Variants in ARFGEF3 observed in about 807,000 individuals in gnomAD.
The protein encoded by ARFGEF3 is ARFGEF family member 3.
A neutral mutation model predicts 221.7 loss-of-function variants in ARFGEF3; 96 were observed. The ratio of observed to expected loss-of-function variants is 0.43; its 90% confidence interval spans 0.37 to 0.51. The LOEUF (loss-of-function observed/expected upper bound fraction) is 0.51. ARFGEF3 is among the 20% of genes least tolerant of loss of function. ARFGEF3 has a pLI of 0.00. For missense variants in ARFGEF3, 2,410 were observed against 2,789.9 expected (o/e 0.86, Z 3.07); for synonymous variants, 1,145 against 1,126.8 (o/e 1.02, Z -0.32).
chr6:138,212,295 A>G (rs951295055), intron 4 of ARFGEF3, among the ~76,000 whole-genome samples: 1 of 152,260 alleles, frequency 6.6e-6, no homozygotes, highest in Non-Finnish European at 1.5e-5. Context: ...TGGGAGGCCA[A>G]GGCAGGGGGA....
chr6:138,262,567 C>T, intron 11 of ARFGEF3, 134 bp from the exon 12 acceptor site: 1 of 868,988 alleles, frequency 1.2e-6, no homozygotes. Flanking sequence ...TTGCCCAGAC[C>T]ATTTTGTTTT....
chr6:138,173,645 C>A (rs1776883315), intron 2 of ARFGEF3, among the ~76,000 whole-genome samples: 1 of 152,144 alleles, frequency 6.6e-6, no homozygotes, highest in African/African-American at 2.4e-5. Flanking sequence ...GCTAGAAGAG[C>A]TGGAGAGAAT....
chr6:138,209,703 C>T (rs1395953631), intron 3 of ARFGEF3, among the ~76,000 whole-genome samples: 8 of 152,182 alleles, frequency 5.3e-5, no homozygotes, highest in Admixed American at 5.2e-4. Flanking sequence ...CCACCTCAGC[C>T]TCCCAAAGTG....
At chr6:138,239,191 T>G (rs1308784227) in intron 6 of ARFGEF3, among the ~76,000 whole-genome samples, 1 of 152,200 alleles carries the variant, frequency 6.6e-6, no homozygotes, top group East Asian at 1.9e-4. Context: ...ATTGGCTCCT[T>G]GTATATATTA....
chr6:138,261,498 T>G (rs2114587789), intron 10 of ARFGEF3, 29 bp from the exon 11 acceptor site: 1 of 1,395,864 alleles, frequency 7.2e-7, no homozygotes, highest in East Asian at 2.5e-5. Context: ...TATTCACTTT[T>G]CTGTTACTCT....
At chr6:138,335,718 A>G (rs1780310522) in intron 33 of ARFGEF3, among the ~76,000 whole-genome samples, 1 of 152,232 alleles carries the variant, frequency 6.6e-6, no homozygotes, top group African/African-American at 2.4e-5. Flanking sequence ...TTTAAAAACA[A>G]GTAAGCTTTG....
In ARFGEF3 at chr6:138,336,391, AGTCAGCTGACCT is replaced by A; in HGVS notation, c.6444_6455del (p.Gln2148_Cys2151del). ...CCAGCCCGCAGTGTTCCCGTGCATC[AGTCAGCTGACCT>A]GTCACGTGACCGACATCAGAGTTCG... is the stretch of plus-strand genomic sequence containing the variant. On this transcript the variant is annotated inframe_deletion, in exon 34 of 34. Transcript: ENST00000251691. The A allele has an allele frequency of 6.2e-7, 1 of 1,613,444 alleles. No individual in the cohort carries two copies.
chr6:138,200,570 G>A (rs1162649621), intron 2 of ARFGEF3, among the ~76,000 whole-genome samples: 7 of 152,154 alleles, frequency 4.6e-5, no homozygotes, highest in Non-Finnish European at 1.5e-5. Flanking sequence ...AACATAAAGT[G>A]GGGAAAGGAC....
chr6:138,274,233 C>G (rs1392740491), intron 12 of ARFGEF3, among the ~76,000 whole-genome samples: 1 of 152,080 alleles, frequency 6.6e-6, no homozygotes, highest in Non-Finnish European at 1.5e-5. Flanking sequence ...TTTACAGATT[C>G]ATTTTTTTTT....
chr6:138,179,873 A>G (rs1446417278), intron 2 of ARFGEF3, among the ~76,000 whole-genome samples: 1 of 152,160 alleles, frequency 6.6e-6, no homozygotes, highest in Non-Finnish European at 1.5e-5. Flanking sequence ...GCAGGAGCAC[A>G]ATCATAGCTC....
At chr6:138,163,253 T>C (rs1776654435) in intron 1 of ARFGEF3, among the ~76,000 whole-genome samples, 1 of 152,222 alleles carries the variant, frequency 6.6e-6, no homozygotes, top group Admixed American at 6.5e-5. Flanking sequence ...AGCAGCATCT[T>C]TTTTTAAACC....
At chr6:138,172,111 C>G (rs1776847409) in intron 2 of ARFGEF3, among the ~76,000 whole-genome samples, 1 of 152,154 alleles carries the variant, frequency 6.6e-6, no homozygotes, top group South Asian at 2.1e-4. Flanking sequence ...GTAAGGGAAT[C>G]CATGTTTTAA....
intron 4 of ARFGEF3, chr6:138,217,755 C>A: frequency 1.8e-6 from 1 of 548,068 alleles, no homozygotes. Context: ...GGATAAATAA[C>A]AAACTAAATT....
intron 4 of ARFGEF3, among the ~76,000 whole-genome samples, chr6:138,215,259 T>C (rs1395522041): frequency 6.6e-6 from 1 of 152,206 alleles, no homozygotes; most frequent in Non-Finnish European, 1.5e-5. Flanking sequence ...AATGGAATTA[T>C]GGCTGGCTGT....
At chr6:138,299,614 A>G (rs112674588) in intron 22 of ARFGEF3, among the ~76,000 whole-genome samples, 5,084 of 152,342 alleles carry the variant, frequency 0.033, 124 homozygotes, top group Middle Eastern at 0.095. Context: ...CTGAGTGCCA[A>G]TGGGAAGCCA....
rs373862398 is a variant in ARFGEF3 at position 138,238,757 on chromosome 6, C to T, written c.543+126C>T. 1.2e-4 allele frequency: 99 copies of T among 839,830 alleles called. 2 individuals carry two copies. In the South Asian group the frequency reaches 1.7e-3, roughly 14 times the overall value. 52.0% of individuals were successfully genotyped at this position (839,830 alleles called of 1,614,324 possible). ...AGTAGGAAGAGCTTGCTTGTTTTAA[C>T]AGAACATTTATTTGTACACATTAAG... On this transcript the variant is annotated intron_variant, in intron 6 of 33. Coordinates refer to ENST00000251691, the MANE Select transcript of ARFGEF3 (RefSeq NM_020340.5).
At chr6:138,309,291 A>G (rs970668505) in intron 24 of ARFGEF3, among the ~76,000 whole-genome samples, 2 of 152,184 alleles carry the variant, frequency 1.3e-5, no homozygotes, top group South Asian at 4.1e-4. Context: ...AACCTGTGCT[A>G]TATAAAAATC....
At chr6:138,330,606 G>A (rs987626324) in intron 32 of ARFGEF3, among the ~76,000 whole-genome samples, 3 of 152,140 alleles carry the variant, frequency 2.0e-5, no homozygotes, top group Non-Finnish European at 2.9e-5. Context: ...GGAGGCAGAG[G>A]TTGCAGTGAG....
intron 20 of ARFGEF3, among the ~76,000 whole-genome samples, 184 bp from the exon 21 acceptor site, chr6:138,296,626 T>A (rs1041305355): frequency 1.3e-5 from 2 of 152,144 alleles, no homozygotes; most frequent in Non-Finnish European, 2.9e-5. Context: ...GAGAGGACGA[T>A]GCAGGCCTTG....
Sources: allele counts gnomAD v4.1 joint callset (sites outside exome capture counted in the v4.1 genomes callset), GRCh38; gene constraint gnomAD v4.1.1; transcripts MANE v1.5; gene names NCBI Gene and HGNC (gene_info 2026-07-23, HGNC 2026-07-21).